PTPRG: variants seen among roughly 807,000 people sequenced by gnomAD.
PTPRG encodes the protein protein tyrosine phosphatase receptor type G, also known as receptor-type tyrosine-protein phosphatase gamma.
In PTPRG, 102 loss-of-function variants were observed where a neutral mutation model predicts 165.3. The observed-to-expected ratio is 0.62, with a 90% CI of 0.53 to 0.73. The LOEUF (loss-of-function observed/expected upper bound fraction) is 0.73. Ranked by LOEUF, PTPRG falls within the 30% of genes least tolerant of loss-of-function variation. The pLI is 0.00. For synonymous variants in PTPRG, 675 were observed against 669.5 expected (o/e 1.01, Z -0.13); for missense variants, 1,866 against 1,861.4 (o/e 1.00, Z -0.05).
At chr3:61,809,546 C>T (rs567047678) in intron 2 of PTPRG, among the ~76,000 whole-genome samples, 3 of 152,094 alleles carry the variant, frequency 2.0e-5, no homozygotes, top group Admixed American at 6.6e-5. Flanking sequence ...GAGAAACTTA[C>T]ATTTGAGTTC....
chr3:62,156,204 C>T (rs1345053011), intron 6 of PTPRG, among the ~76,000 whole-genome samples: 1 of 152,148 alleles, frequency 6.6e-6, no homozygotes. Flanking sequence ...TTGCCCCCAC[C>T]CTTGCATTTT....
chr3:62,082,451 A>G (rs1302653418), intron 5 of PTPRG, among the ~76,000 whole-genome samples: 5 of 152,170 alleles, frequency 3.3e-5, no homozygotes, highest in African/African-American at 9.7e-5. Flanking sequence ...GATTTGTTGA[A>G]TTTACACAGT....
chr3:61,900,904 G>A (rs1235428408), intron 2 of PTPRG, among the ~76,000 whole-genome samples: 7 of 152,088 alleles, frequency 4.6e-5, no homozygotes, highest in Admixed American at 2.0e-4. Context: ...CTAACCTCAC[G>A]AAGCCTCCAT....
chr3:61,830,779 G>C (rs2036265211), intron 2 of PTPRG, among the ~76,000 whole-genome samples: 2 of 151,994 alleles, frequency 1.3e-5, no homozygotes, highest in Admixed American at 6.6e-5. Flanking sequence ...TCTCCATGTT[G>C]GTCAGGCTGG....
At position 62,213,749 on chromosome 3, in the gene PTPRG, T is replaced by C. The variant is rs540571218; in HGVS notation, c.2156-5102T>C. ...CTAGGCATGGGGAAGTTTAGCCTCA[T>C]GGATTGTCGGTGTCTGAGGGCATAT... On this transcript the variant is annotated intron_variant, in intron 12 of 29. Transcript: ENST00000474889. This position sits in a 1 kb window ranked among gnomAD's most constrained non-coding sequence, Gnocchi z 4.4. Among the ~76,000 whole-genome samples, 9 of 152,160 alleles carry C rather than the reference T, an allele frequency of 5.9e-5. No homozygotes were observed. Among genetic ancestry groups the C allele is most frequent in the Non-Finnish European group, 1.2e-4 (8 of 68,036 alleles).
intron 1 of PTPRG, among the ~76,000 whole-genome samples, chr3:61,711,037 C>T (rs907248047): frequency 1.3e-5 from 2 of 152,042 alleles, no homozygotes; most frequent in African/African-American, 4.8e-5. Flanking sequence ...TTTTCTGTTC[C>T]TTTGTTAGTT....
chr3:61,794,407 G>A (rs2034987712), intron 2 of PTPRG, among the ~76,000 whole-genome samples: 1 of 151,976 alleles, frequency 6.6e-6, no homozygotes, highest in Non-Finnish European at 1.5e-5. Context: ...CTCCTTTTCT[G>A]ACACAATAGG....
intron 1 of PTPRG, among the ~76,000 whole-genome samples, chr3:61,571,322 A>T (rs541282230): frequency 1.4e-4 from 21 of 152,206 alleles, no homozygotes; most frequent in African/African-American, 4.8e-4. Context: ...GATTTTTTTT[A>T]AATTTTATTT....
At chr3:61,948,716 G>A (rs2039824858) in intron 2 of PTPRG, among the ~76,000 whole-genome samples, 1 of 152,120 alleles carries the variant, frequency 6.6e-6, no homozygotes, top group Non-Finnish European at 1.5e-5. Context: ...TGGGTACCTG[G>A]AGTATTGTAT....
chr3:62,054,769 A>G (rs1290639631), intron 4 of PTPRG, among the ~76,000 whole-genome samples: 1 of 152,214 alleles, frequency 6.6e-6, no homozygotes, highest in African/African-American at 2.4e-5. Flanking sequence ...TCCTTCATTT[A>G]TGAAGCGTAC....
chr3:61,801,235 A>C (rs554522913), intron 2 of PTPRG, among the ~76,000 whole-genome samples: 9 of 152,282 alleles, frequency 5.9e-5, no homozygotes, highest in Non-Finnish European at 1.2e-4. Context: ...GTCTATGCAC[A>C]CAGACGCCCT....
At chr3:62,016,483 T>C (rs2041547251) in intron 4 of PTPRG, among the ~76,000 whole-genome samples, 1 of 152,200 alleles carries the variant, frequency 6.6e-6, no homozygotes. Context: ...ACTATTAATA[T>C]GAACTCAGTA....
At chr3:61,564,004 C>T (rs910266394) in intron 1 of PTPRG, among the ~76,000 whole-genome samples, 2 of 152,088 alleles carry the variant, frequency 1.3e-5, no homozygotes, top group East Asian at 3.9e-4. Flanking sequence ...CGTCCACACT[C>T]ACCCTGGGGT....
chr3:61,743,197 AGAAGTTCT>A, intron 1 of PTPRG: 1 of 715,942 alleles, frequency 1.4e-6, no homozygotes, highest in Admixed American at 2.0e-5. Context: ...TAGGCTCAGT[AGAAGTTCT>A]GAGAAGAGAC....
intron 2 of PTPRG, among the ~76,000 whole-genome samples, chr3:61,848,867 A>G (rs1449402694): frequency 1.3e-5 from 2 of 152,212 alleles, no homozygotes; most frequent in Non-Finnish European, 2.9e-5. Context: ...TAAATCTCAT[A>G]AAGAGGCAGG....
At chr3:61,563,059 C>G (rs35098326) in intron 1 of PTPRG, among the ~76,000 whole-genome samples, 2 of 151,952 alleles carry the variant, frequency 1.3e-5, no homozygotes, top group East Asian at 3.9e-4. Context: ...ATCCGTGTCT[C>G]CCCTAGCCCC....
Position 61,973,692 on chromosome 3 carries a change from C to T in PTPRG, c.191-15933C>T, listed in dbSNP as rs747593268. On this transcript the variant is annotated intron_variant, in intron 2 of 29. Transcript: ENST00000474889. ...ACTAAAAATATGAAAATTACCTGGG[C>T]GTGGTGGTGGGCGCCTATAATCCCA... Among the ~76,000 whole-genome samples, 11 of 151,878 alleles carry T rather than the reference C, an allele frequency of 7.2e-5. No individual in the cohort carries two copies. The South Asian group carries it at 1.7e-3, about 23-fold the overall frequency.
intron 1 of PTPRG, 45 bp downstream of exon 1, chr3:61,562,417 T>C (rs1553635935): frequency 6.3e-7 from 1 of 1,588,484 alleles, no homozygotes; most frequent in Non-Finnish European, 8.6e-7. Flanking sequence ...CCGGCGCGCG[T>C]TGGGGATGCG....
rs948373804 is a variant in PTPRG, at chr3:61,613,859, C to A, written c.85+51487C>A. 2.0e-5 allele frequency among the ~76,000 whole-genome samples: 3 copies of A among 152,140 alleles called. No homozygotes were observed. The South Asian group carries it at 6.2e-4, about 32-fold the overall frequency. On this transcript the variant is annotated intron_variant, in intron 1 of 29. Coordinates refer to ENST00000474889, the MANE Select transcript of PTPRG (RefSeq NM_002841.4). The stretch of plus-strand genomic sequence containing the variant: ...AGCAATATACTGTGACCTCTGTGTG[C>A]GGAGACTAATCCAAGGAATTTAGAG...
Sources: gnomAD v4.1 joint callset for allele counts (sites outside exome capture counted in the v4.1 genomes callset) on GRCh38, gnomAD v4.1.1 for gene constraint, Gnocchi (gnomAD v3.1) non-coding constraint, MANE v1.5 for transcripts, NCBI Gene and HGNC (gene_info 2026-07-23, HGNC 2026-07-21) for gene names.